The following RSPO2 variants were observed in gnomAD, a reference collection of about 807,000 sequenced individuals.
RSPO2 encodes the protein R-spondin 2.
RSPO2 carries 14 observed loss-of-function variants against 30.9 expected under a neutral mutation model. That is an observed-to-expected ratio of 0.45 (90% CI 0.30 to 0.71). RSPO2 has a LOEUF of 0.71. Ranked by LOEUF, RSPO2 falls within the 30% of genes least tolerant of loss-of-function variation. RSPO2 has a pLI of 0.08. For missense variants in RSPO2, 264 were observed against 301.9 expected, an observed-to-expected ratio of 0.87 and a Z score of 0.93; for synonymous variants, 107 against 96.4, an observed-to-expected ratio of 1.11 and a Z score of -0.64.
chr8:107,984,101 G>A, intron 3 of RSPO2: 2 of 468,462 alleles, frequency 4.3e-6, no homozygotes, highest in East Asian at 6.8e-5. Flanking sequence ...GGGAGCAGAG[G>A]CATTGCCAGG....
intron 3 of RSPO2, among the ~76,000 whole-genome samples, chr8:107,974,784 ATTAGT>A (rs927495665): frequency 2.0e-5 from 3 of 152,128 alleles, no homozygotes; most frequent in African/African-American, 2.4e-5. Flanking sequence ...ATAATTTTTA[ATTAGT>A]TTAAAGGAAC....
intron 4 of RSPO2, among the ~76,000 whole-genome samples, chr8:107,958,510 T>G (rs1813507328): frequency 1.3e-5 from 2 of 152,218 alleles, no homozygotes; most frequent in Admixed American, 1.3e-4. Flanking sequence ...GTTCAGTTTT[T>G]GAAGGATGCT....
intron 5 of RSPO2, among the ~76,000 whole-genome samples, chr8:107,937,151 GT>G (rs149136012): frequency 0.014 from 1,537 of 107,750 alleles, 16 homozygotes; most frequent in African/African-American, 0.033. Flanking sequence ...TCCATCTTCA[GT>G]TGTTTTTTTT....
intron 2 of RSPO2, among the ~76,000 whole-genome samples, chr8:108,065,089 G>C (rs1288225105): frequency 6.6e-6 from 1 of 151,860 alleles, no homozygotes; most frequent in African/African-American, 2.4e-5. Flanking sequence ...GTTAATGGGT[G>C]CAGCACACCA....
chr8:108,043,373 A>G (rs1159490952), intron 2 of RSPO2, among the ~76,000 whole-genome samples: 4 of 152,196 alleles, frequency 2.6e-5, no homozygotes, highest in African/African-American at 9.7e-5. Flanking sequence ...TGGTCTGCCC[A>G]TATAGAGACC....
chr8:108,058,095 T>G (rs1188142198), intron 2 of RSPO2, among the ~76,000 whole-genome samples: 1 of 150,774 alleles, frequency 6.6e-6, no homozygotes, highest in Non-Finnish European at 1.5e-5. Flanking sequence ...CCATTCAGTA[T>G]GATATTGGCT....
At position 107,958,244 on chromosome 8, in the gene RSPO2, C is replaced by T. The variant is rs543739350; in HGVS notation, c.452G>A (p.Ser151Asn). 7.9e-5 allele frequency: 128 copies of T among 1,613,418 alleles called. No homozygotes were observed. The highest frequency in any genetic ancestry group is 1.2e-4 in the Admixed American group (7 of 59,958). Residue 151 changes from serine to asparagine, a missense_variant, in exon 5 of 6, where the codon AGC becomes AAC. Coordinates refer to ENST00000276659, the MANE Select transcript of RSPO2 (RefSeq NM_178565.5). ...ATTTCTGCTACAAGTTCCCCATTCGCTCCAATGACCAACTTCACATCCTTC... is the reference window on the plus strand; with the variant it reads ...ATTTCTGCTACAAGTTCCCCATTCGTTCCAATGACCAACTTCACATCCTTC... The part of the protein sequence containing the change: ...CVEGCEVGHW[S>N]EWGTCSRNNR...
chr8:107,908,638 T>C (rs181773835), intron 5 of RSPO2, among the ~76,000 whole-genome samples: 1 of 152,252 alleles, frequency 6.6e-6, no homozygotes, highest in East Asian at 1.9e-4. Flanking sequence ...TGAACCCCCA[T>C]TGGAGGCTTT....
intron 2 of RSPO2, chr8:107,996,804 A>G (rs1379752493): frequency 3.5e-5 from 13 of 366,258 alleles, no homozygotes; most frequent in Non-Finnish European, 5.9e-5. Context: ...TCTCAGAGTC[A>G]ACAAACTGTG....
chr8:107,984,663 A>ATCCT (rs1213090969), intron 3 of RSPO2, among the ~76,000 whole-genome samples: 1 of 152,252 alleles, frequency 6.6e-6, no homozygotes, highest in East Asian at 1.9e-4. Context: ...CATCATTTGA[A>ATCCT]AATACCAAGG....
intron 5 of RSPO2, among the ~76,000 whole-genome samples, chr8:107,914,707 G>T (rs911484031): frequency 2.0e-5 from 3 of 152,042 alleles, no homozygotes; most frequent in Non-Finnish European, 4.4e-5. Context: ...AAATCAGAAG[G>T]AATTAATGAA....
At chr8:107,978,152 G>T (rs866412833) in intron 3 of RSPO2, among the ~76,000 whole-genome samples, 1 of 152,118 alleles carries the variant, frequency 6.6e-6, no homozygotes, top group Admixed American at 6.5e-5. Context: ...ACCTGGCTGG[G>T]CATGGTAGCA....
At chr8:108,029,529 G>A (rs1016231022) in intron 2 of RSPO2, among the ~76,000 whole-genome samples, 1 of 152,116 alleles carries the variant, frequency 6.6e-6, no homozygotes, top group Non-Finnish European at 1.5e-5. Flanking sequence ...AAGAGTGGGG[G>A]AGAAAGCCCA....
At chr8:108,076,671 C>T (rs567754968) in intron 2 of RSPO2, among the ~76,000 whole-genome samples, 1 of 151,440 alleles carries the variant, frequency 6.6e-6, no homozygotes, top group Non-Finnish European at 1.5e-5. Context: ...GAAAAGAAAG[C>T]GAATTGTCAG....
chr8:108,032,796 A>G (rs1264416633), intron 2 of RSPO2, among the ~76,000 whole-genome samples: 2 of 151,826 alleles, frequency 1.3e-5, no homozygotes, highest in Non-Finnish European at 2.9e-5. Context: ...ATGTCTAGCT[A>G]ATTTTAAAAA....
chr8:108,037,160 T>C (rs1811623542), intron 2 of RSPO2, among the ~76,000 whole-genome samples: 1 of 152,162 alleles, frequency 6.6e-6, no homozygotes, highest in Admixed American at 6.6e-5. Flanking sequence ...AAAGCCAAGA[T>C]AGGTCAAAAG....
intron 2 of RSPO2, among the ~76,000 whole-genome samples, chr8:108,080,422 T>G (rs1379700346): frequency 1.3e-5 from 2 of 152,226 alleles, no homozygotes; most frequent in Non-Finnish European, 1.5e-5. Flanking sequence ...ATCGAAAGGT[T>G]GATTTGGCAT....
At chr8:108,072,319 C>CTTTTTTTTTTTT (rs34402426) in intron 2 of RSPO2, among the ~76,000 whole-genome samples, 2 of 84,274 alleles carry the variant, frequency 2.4e-5, no homozygotes, top group Non-Finnish European at 4.4e-5. Context: ...TGGCAGAGAA[C>CTTTTTTTTTTTT]TTTTTTTTTT....
chr8:107,934,326 T>TA (rs959285940), intron 5 of RSPO2, among the ~76,000 whole-genome samples: 9 of 151,144 alleles, frequency 6.0e-5, no homozygotes, highest in East Asian at 1.9e-4. Flanking sequence ...AGGTATGCCT[T>TA]AAAAAAAACC....
Sources: allele counts gnomAD v4.1 joint callset (sites outside exome capture counted in the v4.1 genomes callset), GRCh38; gene constraint gnomAD v4.1.1; transcripts MANE v1.5; gene names NCBI Gene and HGNC (gene_info 2026-07-23, HGNC 2026-07-21).